The following PRCC variants were observed in gnomAD, a reference collection of about 807,000 sequenced individuals.
PRCC encodes the protein proline rich mitotic checkpoint control factor, also known as proline-rich protein PRCC.
Under a neutral mutation model 44.0 loss-of-function variants are expected in PRCC, and 10 were observed. That is an observed-to-expected ratio of 0.23 (90% CI 0.14 to 0.39). The LOEUF is 0.39. PRCC is among the 10% of genes least tolerant of loss of function. The pLI, the probability that PRCC is intolerant of heterozygous loss-of-function variation, is 1.00. For synonymous variants in PRCC, 278 were observed against 259.5 expected (o/e 1.07, Z -0.69); for missense variants, 573 against 624.7 (o/e 0.92, Z 0.88).
chr1:156,790,465 A>G (rs773988168), intron 3 of PRCC, among the ~76,000 whole-genome samples: 4 of 152,222 alleles, frequency 2.6e-5, no homozygotes, highest in Non-Finnish European at 4.4e-5. Context: ...TCTACTAAAA[A>G]TACAAAAATT....
chr1:156,768,372 A>C, intron 1 of PRCC, 133 bp downstream of exon 1: 4 of 977,340 alleles, frequency 4.1e-6, no homozygotes, highest in Non-Finnish European at 6.1e-6. Context: ...TCCTCTTATA[A>C]TGCGATTAAT....
chr1:156,771,196 C>T (rs1651622184), intron 1 of PRCC, among the ~76,000 whole-genome samples: 1 of 152,168 alleles, frequency 6.6e-6, no homozygotes. Context: ...TTTCAGGGAA[C>T]CTCAGGTGAG....
At chr1:156,792,053 C>CTT (rs67388360) in intron 4 of PRCC, among the ~76,000 whole-genome samples, 10,508 of 58,348 alleles carry the variant, frequency 0.18, 2,588 homozygotes, top group Middle Eastern at 0.34. Flanking sequence ...TAGTCCCCTT[C>CTT]TTTTTTTTTT....
chr1:156,789,249 C>T (rs1409039492), intron 3 of PRCC, among the ~76,000 whole-genome samples: 2 of 152,208 alleles, frequency 1.3e-5, no homozygotes, highest in Admixed American at 6.5e-5. Context: ...GGATTACAGG[C>T]GTGAGCCACC....
chr1:156,790,050 G>A (rs951681180), intron 3 of PRCC, among the ~76,000 whole-genome samples: 2 of 152,336 alleles, frequency 1.3e-5, no homozygotes, highest in Middle Eastern at 3.4e-3. Context: ...AGAGGCAGCT[G>A]GCTGGCCCCA....
intron 2 of PRCC, among the ~76,000 whole-genome samples, chr1:156,785,509 AC>A (rs1047648505): frequency 6.6e-6 from 1 of 150,658 alleles, no homozygotes; most frequent in Non-Finnish European, 1.5e-5. Flanking sequence ...CGAGACTCCG[AC>A]CAAAAAAAAA....
rs892093928 is a variant in PRCC at position 156,786,971 on chromosome 1, C to G, written c.880C>G (p.Pro294Ala). ...ACCTGGAGTTGAGCCATACCCTTACCCCATCCCCACTGTCCCTGAAGAGCT... is the reference window on the plus strand; with the variant it reads ...ACCTGGAGTTGAGCCATACCCTTACGCCATCCCCACTGTCCCTGAAGAGCT... ...EPPGVEPYPY[P>A]IPTVPEELPP... is the part of the protein sequence containing the mutation. Residue 294 changes from proline to alanine, a missense_variant, in exon 3 of 7, where the codon CCC becomes GCC. Around this residue, in one of 4 missense-constraint regions of PRCC, gnomAD observed 141 missense variants for 130.2 expected, o/e 1.08. Coordinates refer to ENST00000271526, the MANE Select transcript of PRCC (RefSeq NM_005973.5). The G allele has an allele frequency of 1.9e-6, 3 of 1,614,204 alleles. No homozygotes were observed. The highest frequency in any genetic ancestry group is 1.7e-5 in the Admixed American group (1 of 60,024).
At position 156,768,091 on chromosome 1, in the gene PRCC, G is replaced by C; in HGVS notation, c.320G>C (p.Gly107Ala). The change falls in exon 1 of 7, where the codon GGA becomes GCA. Residue 107 changes from glycine to alanine, a missense_variant. Physicochemically the swap from Gly to Ala is moderately conservative, Grantham distance 60 (BLOSUM62 0). This residue lies in a region of PRCC where 245 missense variants were observed against 188.5 expected (regional missense o/e 1.30). Transcript: ENST00000271526. ...SPAEAAGVGE[G>A]LGLGLPSPRG... ...GCTGAAGCGGCGGGAGTTGGGGAGG[G>C]ACTGGGATTGGGGTTGCCCTCGCCC... 2 of 1,588,282 alleles carry C rather than the reference G, an allele frequency of 1.3e-6. No homozygotes were observed. Among genetic ancestry groups the C allele is most frequent in the Non-Finnish European group, 1.7e-6 (2 of 1,167,362 alleles).
At chr1:156,782,170 G>A in intron 1 of PRCC, 112 bp from the exon 2 acceptor site, 2 of 903,018 alleles carry the variant, frequency 2.2e-6, no homozygotes, top group East Asian at 5.1e-5. Flanking sequence ...TACAGAGGTG[G>A]GGCACAGACA....
chr1:156,769,227 T>A (rs1436745174), intron 1 of PRCC, among the ~76,000 whole-genome samples: 1 of 152,256 alleles, frequency 6.6e-6, no homozygotes, highest in Non-Finnish European at 1.5e-5. Flanking sequence ...CTCTCAGATA[T>A]CCTAATGTTC....
At chr1:156,780,246 A>C (rs1652006191) in intron 1 of PRCC, among the ~76,000 whole-genome samples, 1 of 151,370 alleles carries the variant, frequency 6.6e-6, no homozygotes, top group South Asian at 2.1e-4. Context: ...TTTAGTAGAG[A>C]CGGGGTTTTA....
chr1:156,791,286 A>T (rs1652464658), intron 3 of PRCC: 1 of 670,102 alleles, frequency 1.5e-6, no homozygotes. Flanking sequence ...GAATGGCATG[A>T]CGTATACCTT....
intron 1 of PRCC, among the ~76,000 whole-genome samples, chr1:156,774,455 G>A (rs984406734): frequency 3.3e-5 from 5 of 151,108 alleles, no homozygotes; most frequent in African/African-American, 7.3e-5. Flanking sequence ...TTACAGGCAT[G>A]AGCCACTGTG....
Position 156,787,178 on chromosome 1 carries a change from G to T in PRCC, c.1083+4G>T. 6.3e-7 allele frequency: 1 copy of T among 1,592,906 alleles called. No individual in the cohort carries two copies. The highest frequency in any genetic ancestry group is 8.6e-7 in the Non-Finnish European group (1 of 1,165,268). ...TGCCGCTGGTGCTTATTATCAGGTG[G>T]GTAGGAGGCACAGAGGGCAGGCGAG... On this transcript the variant is annotated splice_donor_region_variant and intron_variant, in intron 3 of 6. Coordinates refer to ENST00000271526, the MANE Select transcript of PRCC (RefSeq NM_005973.5).
In PRCC at chr1:156,800,528, T is replaced by C; in HGVS notation, c.*68T>C. ...CTGGCCTGGCCCCCAGCTTCACCTCTGGGACCCCAGCTGCTCTAAGCCCAG... is the reference window on the plus strand; with the variant it reads ...CTGGCCTGGCCCCCAGCTTCACCTCCGGGACCCCAGCTGCTCTAAGCCCAG... On this transcript the variant is annotated 3_prime_UTR_variant, in exon 7 of 7. Coordinates refer to ENST00000271526, the MANE Select transcript of PRCC (RefSeq NM_005973.5). 1 of 1,514,084 alleles carries C rather than the reference T, an allele frequency of 6.6e-7. No homozygotes were observed. Among genetic ancestry groups the C allele is most frequent in the South Asian group, 1.1e-5 (1 of 89,034 alleles). 93.8% of individuals were successfully genotyped at this position (1,514,084 alleles called of 1,614,324 possible). A position where few individuals can be genotyped will look rare whatever the true frequency, so the allele number is the denominator to read the frequency against.
chr1:156,786,003 G>A (rs1327737421), intron 2 of PRCC, among the ~76,000 whole-genome samples: 1 of 152,040 alleles, frequency 6.6e-6, no homozygotes, highest in Non-Finnish European at 1.5e-5. Flanking sequence ...ATAGAGACGG[G>A]CCTTCAGTAT....
chr1:156,792,674 C>T (rs756143096), intron 4 of PRCC, among the ~76,000 whole-genome samples: 26 of 152,070 alleles, frequency 1.7e-4, no homozygotes, highest in African/African-American at 5.3e-4. Flanking sequence ...AGGCTAGTCT[C>T]GAACTCCTGG....
intron 1 of PRCC, among the ~76,000 whole-genome samples, chr1:156,772,869 GA>G (rs1353271812): frequency 6.6e-6 from 1 of 152,224 alleles, no homozygotes; most frequent in African/African-American, 2.4e-5. Context: ...TTATAAAGAA[GA>G]AAACAGGAGT....
Position 156,789,356 on chromosome 1 carries a change from G to A in PRCC, c.1083+2182G>A, listed in dbSNP as rs577966070. On this transcript the variant is annotated intron_variant, in intron 3 of 6. Coordinates refer to ENST00000271526, the MANE Select transcript of PRCC (RefSeq NM_005973.5). ...TGTCCTGGAGCACTTCCCCTATGTT[G>A]AAAACAAAATCTGATGTCGGAGCTG... 3.6e-4 allele frequency among the ~76,000 whole-genome samples: 55 copies of A among 152,316 alleles called. 1 individual carries two copies. Among genetic ancestry groups the A allele is most frequent in the Admixed American group, 8.5e-4 (13 of 15,290 alleles).
Sources: allele counts gnomAD v4.1 joint callset (sites outside exome capture counted in the v4.1 genomes callset), GRCh38; gene constraint gnomAD v4.1.1; regional missense constraint gnomAD v4.1.1; transcripts MANE v1.5; gene names NCBI Gene and HGNC (gene_info 2026-07-23, HGNC 2026-07-21).